Variants in ZNF266 observed in about 807,000 individuals in gnomAD.
ZNF266 encodes the protein zinc finger protein 1.
Under a neutral mutation model 16.4 loss-of-function variants are expected in ZNF266, and 16 were observed. The observed-to-expected ratio is 0.98, with a 90% CI of 0.66 to 1.48. The LOEUF is 1.48. Among genes scored for constraint, ZNF266 ranks in the 40% most tolerant of loss-of-function variants. ZNF266 has a pLI of 0.00. For missense variants in ZNF266, 738 were observed against 689.1 expected (o/e 1.07, Z -0.79); for synonymous variants, 262 against 237.9 (o/e 1.10, Z -0.93).
chr19:9,433,397 T>C lies in ZNF266; in HGVS notation c.-130+271A>G, dbSNP rs980582527. On this transcript the variant is annotated intron_variant, in intron 5 of 10. Coordinates refer to ENST00000592904, the MANE Select transcript of ZNF266 (RefSeq NM_001370374.1). ...GCAGAGTGCTTACTCTGGACATTCC[T>C]TCAGGGAAACGAAGGACTAATTTAG... Among the ~76,000 whole-genome samples the C allele has an allele frequency of 3.3e-5, 5 of 152,042 alleles. No individual in the cohort carries two copies. The South Asian group carries it at 1.0e-3, about 32-fold the overall frequency.
Position 9,414,729 on chromosome 19 carries a change from A to G in ZNF266, c.406-9T>C. On this transcript the variant is annotated splice_polypyrimidine_tract_variant and intron_variant, in intron 10 of 10. Transcript: ENST00000592904. ...CCGTTGTGGCTTCCTATCTGTTGAT[A>G]AAGGAATGAATGATGATTAAAGGAC... 6.5e-7 allele frequency: 1 copy of G among 1,544,894 alleles called. No individual in the cohort carries two copies. The highest frequency in any genetic ancestry group is 8.7e-7 in the Non-Finnish European group (1 of 1,143,326).
At chr19:9,431,952 G>GGTTTT (rs1353468838) in intron 5 of ZNF266, among the ~76,000 whole-genome samples, 3 of 152,018 alleles carry the variant, frequency 2.0e-5, no homozygotes, top group Admixed American at 1.3e-4. Flanking sequence ...AAGTCAGTTG[G>GGTTTT]GTTTTGTTTT....
chr19:9,413,654 C>T lies in ZNF266; in HGVS notation c.1472G>A (p.Ser491Asn). The part of the protein sequence containing the change: ...GKAFAISSNL[S>N]GHLRIHTGEK... Reference sequence around the variant, plus strand: ...TCCAGTGTGAATTCTCAAATGTCCACTAAGATTTGAAGAAATAGCAAAGGC... The same window carrying T: ...TCCAGTGTGAATTCTCAAATGTCCATTAAGATTTGAAGAAATAGCAAAGGC... The change falls in exon 11 of 11, where the codon AGT becomes AAT. Residue 491 changes from serine (S) to asparagine (N), a missense_variant. Physicochemically the swap from Ser to Asn is conservative, Grantham distance 46. Transcript: ENST00000592904. 6.2e-7 allele frequency: 1 copy of T among 1,614,030 alleles called. No homozygotes were observed. The highest frequency in any genetic ancestry group is 8.5e-7 in the Non-Finnish European group (1 of 1,179,970).
chr19:9,425,522 G>C (rs974398275), intron 5 of ZNF266, among the ~76,000 whole-genome samples: 1 of 152,210 alleles, frequency 6.6e-6, no homozygotes, highest in Admixed American at 6.5e-5. Flanking sequence ...TCAGTGTGGT[G>C]AACAGGGTGT....
rs953897502 is a variant in ZNF266 at position 9,413,622 on chromosome 19, G to A, written c.1504C>T (p.Pro502Ser). ...GHLRIHTGEK[P>S]FECLECGKAF... is the part of the protein sequence containing the mutation. ...TTACCACATTCCAGGCACTCAAAGG[G>A]CTTCTCTCCAGTGTGAATTCTCAAA... Residue 502 changes from proline (P) to serine (S), a missense_variant, in exon 11 of 11, where the codon CCC (proline) becomes TCC (serine). Physicochemically the swap from Pro to Ser is moderately conservative, Grantham distance 74 (BLOSUM62 -1). Transcript: ENST00000592904. 4 of 1,614,002 alleles carry A rather than the reference G, an allele frequency of 2.5e-6. No individual in the cohort carries two copies. The highest frequency in any genetic ancestry group is 3.4e-6 in the Non-Finnish European group (4 of 1,180,026).
Position 9,413,989 on chromosome 19 carries a change from A to G in ZNF266, c.1137T>C (p.Thr379=). The change falls in exon 11 of 11, where the codon ACT becomes ACC. Residue 379 remains threonine (T), a synonymous_variant. Coordinates refer to ENST00000592904, the MANE Select transcript of ZNF266 (RefSeq NM_001370374.1). ...TTGCAGTGTGAGTTTTTAAATGTTCAGTAAGTTGAGAAGATCTAGTGAAGG... is the reference window on the plus strand; with the variant it reads ...TTGCAGTGTGAGTTTTTAAATGTTCGGTAAGTTGAGAAGATCTAGTGAAGG... ...GIAFTRSSQL[T]EHLKTHTAKD... The G allele has an allele frequency of 6.2e-7, 1 of 1,614,218 alleles. No individual in the cohort carries two copies.
chr19:9,434,039 T>C (rs1046534123), intron 4 of ZNF266, 36 bp downstream of exon 4: 3 of 152,240 alleles, frequency 2.0e-5, no homozygotes, highest in Admixed American at 2.0e-4. Flanking sequence ...CCACATTGTT[T>C]CCCCAACCAA....
intron 5 of ZNF266, among the ~76,000 whole-genome samples, chr19:9,421,774 T>C (rs115310443): frequency 0.015 from 2,321 of 152,344 alleles, 39 homozygotes; most frequent in African/African-American, 0.031. Context: ...GTATACTCCT[T>C]TATACATCTT....
intron 5 of ZNF266, among the ~76,000 whole-genome samples, chr19:9,430,132 C>T (rs756993422): frequency 1.3e-5 from 2 of 152,022 alleles, no homozygotes; most frequent in Non-Finnish European, 2.9e-5. Context: ...CTTCACCTCC[C>T]TAGCGCAGCT....
At chr19:9,433,045 CAT>C (rs2071866826) in intron 5 of ZNF266, among the ~76,000 whole-genome samples, 2 of 152,170 alleles carry the variant, frequency 1.3e-5, no homozygotes, top group African/African-American at 2.4e-5. Flanking sequence ...CACACACACA[CAT>C]AGTGGGACAA....
At chr19:9,429,066 C>T (rs934145402) in intron 5 of ZNF266, among the ~76,000 whole-genome samples, 6 of 152,046 alleles carry the variant, frequency 3.9e-5, no homozygotes, top group African/African-American at 7.2e-5. Context: ...ATAATGCTAG[C>T]GCCTCGAAAA....
chr19:9,426,826 A>G (rs2070816860), intron 5 of ZNF266, among the ~76,000 whole-genome samples: 1 of 152,212 alleles, frequency 6.6e-6, no homozygotes, highest in Admixed American at 6.5e-5. Context: ...AACTAAATAC[A>G]GGAGAAAAAA....
intron 1 of ZNF266, 38 bp from the exon 2 acceptor site, chr19:9,435,231 A>G (rs1257836972): frequency 6.6e-6 from 1 of 152,028 alleles, no homozygotes; most frequent in Non-Finnish European, 1.5e-5. Context: ...GCTTTGGAAG[A>G]GTTTGAAGCG....
At chr19:9,426,514 C>T (rs533766206) in intron 5 of ZNF266, among the ~76,000 whole-genome samples, 2 of 150,926 alleles carry the variant, frequency 1.3e-5, no homozygotes, top group South Asian at 2.1e-4. Flanking sequence ...AAAAAAGCCT[C>T]GAGATTTAGG....
At chr19:9,429,147 G>C (rs2071212706) in intron 5 of ZNF266, among the ~76,000 whole-genome samples, 1 of 152,076 alleles carries the variant, frequency 6.6e-6, no homozygotes, top group East Asian at 1.9e-4. Flanking sequence ...ACAGAAAAAT[G>C]TCCTCAAATA....
At chr19:9,423,694 G>A (rs2070272074) in intron 5 of ZNF266, among the ~76,000 whole-genome samples, 1 of 152,096 alleles carries the variant, frequency 6.6e-6, no homozygotes, top group Non-Finnish European at 1.5e-5. Flanking sequence ...AGAATACATG[G>A]GTCCAAGAAT....
At position 9,413,537 on chromosome 19, in the gene ZNF266, G is replaced by A; in HGVS notation, c.1589C>T (p.Pro530Leu). Residue 530 changes from proline to leucine, a missense_variant, in exon 11 of 11, where the codon CCA becomes CTA. Pro to Leu is a moderately conservative substitution (Grantham distance 98). Coordinates refer to ENST00000592904, the MANE Select transcript of ZNF266 (RefSeq NM_001370374.1). ...NHMRTHSAKK[P>L]FTCMECGKAF... ...TTTGCCACATTCCATACACGTGAAT[G>A]GTTTTTTGGCGCTGTGGGTCCGCAT... 2 of 1,613,372 alleles carry A rather than the reference G, an allele frequency of 1.2e-6. No individual in the cohort carries two copies. Among genetic ancestry groups the A allele is most frequent in the Non-Finnish European group, 1.7e-6 (2 of 1,179,396 alleles).
At chr19:9,416,365 GTT>G (rs746930588) in intron 9 of ZNF266, among the ~76,000 whole-genome samples, 7 of 93,760 alleles carry the variant, frequency 7.5e-5, no homozygotes, top group Middle Eastern at 5.4e-3. Context: ...TTTGTTTTTT[GTT>G]TTTTTTTTTT....
Position 9,414,537 on chromosome 19 carries a change from C to G in ZNF266, c.589G>C (p.Val197Leu), listed in dbSNP as rs751234357. 15 of 1,613,986 alleles carry G rather than the reference C, an allele frequency of 9.3e-6. No individual in the cohort carries two copies. The highest frequency in any genetic ancestry group is 1.2e-5 in the Non-Finnish European group (14 of 1,179,932). Residue 197 changes from valine (V) to leucine (L), a missense_variant, in exon 11 of 11, where the codon GTA (valine) becomes CTA (leucine). By Grantham distance (32) the Val-to-Leu change is conservative. Transcript: ENST00000592904. ...AAGGCTTTTCCACACTGACTAAATA[C>G]AGAACGTTGCTCTCCAGTAGAGGTT... ...KKTSTGEQRSVFSQCGKAFSL... is the reference protein window; with the variant it reads ...KKTSTGEQRSLFSQCGKAFSL...
Sources: allele counts gnomAD v4.1 joint callset (sites outside exome capture counted in the v4.1 genomes callset), GRCh38; gene constraint gnomAD v4.1.1; transcripts MANE v1.5; gene names NCBI Gene and HGNC (gene_info 2026-07-23, HGNC 2026-07-21).